Variants in FSD1L observed in about 807,000 individuals in gnomAD.
FSD1L encodes the protein fibronectin type III and SPRY domain containing 1 like.
Under a neutral mutation model 71.6 loss-of-function variants are expected in FSD1L, and 45 were observed. The ratio of observed to expected loss-of-function variants is 0.63; its 90% CI spans 0.49 to 0.81. FSD1L has a LOEUF of 0.81. Among genes scored for constraint, FSD1L ranks in the 30% least tolerant of loss-of-function variants. FSD1L has a pLI of 0.00. For missense variants in FSD1L, 561 were observed against 618.1 expected (o/e 0.91, Z 0.98); for synonymous variants, 197 against 207.2 (o/e 0.95, Z 0.42).
At chr9:105,478,910 G>A (rs1661789940) in intron 5 of FSD1L, among the ~76,000 whole-genome samples, 1 of 152,138 alleles carries the variant, frequency 6.6e-6, no homozygotes, top group Non-Finnish European at 1.5e-5. Context: ...TTGGAACAAC[G>A]ATTATGAAGT....
At chr9:105,515,275 T>C (rs367589223) in intron 10 of FSD1L, among the ~76,000 whole-genome samples, 13 of 152,188 alleles carry the variant, frequency 8.5e-5, no homozygotes, top group African/African-American at 2.9e-4. Context: ...TCCAGGAGAA[T>C]TTCCCAAGGA....
In FSD1L at chr9:105,548,622, T is replaced by TGAA. The variant is rs1383830801; in HGVS notation, c.*2139_*2140insGAA. ...TGGAGGAGTATACATGATTCTTGTG[T>TGAA]TCATGTTGTCATTTGAAACTCTTCA... On this transcript the variant is annotated 3_prime_UTR_variant, in exon 14 of 14. Coordinates refer to ENST00000481272, the MANE Select transcript of FSD1L (RefSeq NM_001145313.3). The TGAA allele has an allele frequency of 6.6e-6, 1 of 152,292 alleles. No individual in the cohort carries two copies. Among genetic ancestry groups the TGAA allele is most frequent in the Non-Finnish European group, 1.5e-5 (1 of 67,948 alleles). The allele number at this position is 152,292 out of a possible 1,614,324, so 9.4% of individuals were successfully genotyped here. A position where few individuals can be genotyped will look rare whatever the true frequency, so the allele number is the denominator to read the frequency against.
In FSD1L at chr9:105,513,345, A is replaced by G. The variant is rs555547296; in HGVS notation, c.1025+409A>G. 5.3e-5 allele frequency among the ~76,000 whole-genome samples: 8 copies of G among 152,294 alleles called. No individual in the cohort carries two copies. In the South Asian group the frequency reaches 1.5e-3, roughly 28 times the overall value. On this transcript the variant is annotated intron_variant, in intron 10 of 13. Coordinates refer to ENST00000481272, the MANE Select transcript of FSD1L (RefSeq NM_001145313.3). Reference sequence around the variant, plus strand: ...GGTCTTGCCTCTGATCAGCAACACAATGAACCTAAGAGGCAGGTTCAAGGA... The same window carrying G: ...GGTCTTGCCTCTGATCAGCAACACAGTGAACCTAAGAGGCAGGTTCAAGGA...
intron 1 of FSD1L, among the ~76,000 whole-genome samples, chr9:105,459,660 A>G (rs117122706): frequency 6.6e-6 from 1 of 152,236 alleles, no homozygotes; most frequent in African/African-American, 2.4e-5. Context: ...TAACAAGGTC[A>G]CATTGGTTGC....
At chr9:105,493,257 G>T (rs1216073904) in intron 7 of FSD1L, among the ~76,000 whole-genome samples, 2 of 151,980 alleles carry the variant, frequency 1.3e-5, no homozygotes, top group African/African-American at 4.8e-5. Flanking sequence ...TTATGTAATG[G>T]CCTTCTTTGT....
intron 7 of FSD1L, among the ~76,000 whole-genome samples, chr9:105,492,623 T>A (rs193068318): frequency 2.6e-5 from 4 of 152,328 alleles, no homozygotes; most frequent in African/African-American, 9.6e-5. Context: ...TTCTGCTTTC[T>A]CTTGTGGGCA....
In FSD1L at chr9:105,547,727, T is replaced by TTA. The variant is rs1411064625; in HGVS notation, c.*1247_*1248dup. The TTA allele has an allele frequency of 9.9e-5, 15 of 152,134 alleles. No individual in the cohort carries two copies. The highest frequency in any genetic ancestry group is 1.6e-4 in the Non-Finnish European group (11 of 67,976). 9.4% of individuals were successfully genotyped at this position (152,134 alleles called of 1,614,324 possible). A position where few individuals can be genotyped will look rare whatever the true frequency, so the allele number is the denominator to read the frequency against. On this transcript the variant is annotated 3_prime_UTR_variant, in exon 14 of 14. Coordinates refer to ENST00000481272, the MANE Select transcript of FSD1L (RefSeq NM_001145313.3). ...AACATAACTGTTCTTAAAAAGTCAA[T>TTA]TATAATTTGTAACTCACATCCTTTG...
intron 10 of FSD1L, among the ~76,000 whole-genome samples, chr9:105,527,618 A>G (rs182886179): frequency 6.6e-6 from 1 of 151,950 alleles, no homozygotes; most frequent in Admixed American, 6.5e-5. Context: ...AATATAAATT[A>G]TGTATCATTC....
intron 7 of FSD1L, among the ~76,000 whole-genome samples, chr9:105,485,818 T>A (rs1376105298): frequency 6.6e-6 from 1 of 151,998 alleles, no homozygotes; most frequent in Non-Finnish European, 1.5e-5. Flanking sequence ...TAATTTTCTG[T>A]ATTTTTAGTA....
At chr9:105,511,678 TA>T (rs1283849312) in intron 9 of FSD1L, among the ~76,000 whole-genome samples, 1 of 152,086 alleles carries the variant, frequency 6.6e-6, no homozygotes, top group Non-Finnish European at 1.5e-5. Flanking sequence ...GTTTCATAAA[TA>T]AAAAACAATG....
chr9:105,470,199 A>G (rs1422131450), intron 4 of FSD1L, among the ~76,000 whole-genome samples: 17 of 152,142 alleles, frequency 1.1e-4, no homozygotes, highest in Admixed American at 1.1e-3. Flanking sequence ...ATGTTGAGGC[A>G]TTCGACTTTT....
At chr9:105,507,325 T>C (rs1166873265) in intron 8 of FSD1L, among the ~76,000 whole-genome samples, 2 of 152,224 alleles carry the variant, frequency 1.3e-5, no homozygotes, top group Non-Finnish European at 2.9e-5. Context: ...ATATTTGAAA[T>C]GGCAAAATAT....
chr9:105,548,495 C>A lies in FSD1L; in HGVS notation c.*2012C>A, dbSNP rs892370659. On this transcript the variant is annotated 3_prime_UTR_variant, in exon 14 of 14. Transcript: ENST00000481272. ...CCTCTAAGCATACTCTTGGTCCATG[C>A]CCCATGCAGTGTCAACTGATGTTTA... 20 of 152,488 alleles carry A rather than the reference C, an allele frequency of 1.3e-4. No individual in the cohort carries two copies. Among genetic ancestry groups the A allele is most frequent in the Non-Finnish European group, 2.8e-4 (19 of 67,976 alleles). The allele number at this position is 152,488 out of a possible 1,614,324, so 9.4% of individuals were successfully genotyped here.
chr9:105,486,454 G>A (rs1453534530), intron 7 of FSD1L, among the ~76,000 whole-genome samples: 2 of 152,142 alleles, frequency 1.3e-5, no homozygotes, highest in Admixed American at 6.5e-5. Flanking sequence ...TTACTTTTAA[G>A]TAGAACACTT....
chr9:105,516,400 C>A (rs972544937), intron 10 of FSD1L, among the ~76,000 whole-genome samples: 1 of 152,184 alleles, frequency 6.6e-6, no homozygotes, highest in Non-Finnish European at 1.5e-5. Context: ...GACTAGGAGA[C>A]ACCTCCCAGT....
chr9:105,448,087 C>CGGGTGGGGCCGGGCGGTGCCGGTGCG lies in FSD1L; in HGVS notation c.-131_-106dup, dbSNP rs1829730943. ...ACGGCGCGCGCGGTCTGGGCGCGGA[C>CGGGTGGGGCCGGGCGGTGCCGGTGCG]GGGTGGGGCCGGGCGGTGCCGGTGC... On this transcript the variant is annotated 5_prime_UTR_variant, in exon 1 of 14. Transcript: ENST00000481272. The CGGGTGGGGCCGGGCGGTGCCGGTGCG allele has an allele frequency of 2.0e-6, 2 of 1,014,686 alleles. No homozygotes were observed. Among genetic ancestry groups the CGGGTGGGGCCGGGCGGTGCCGGTGCG allele is most frequent in the African/African-American group, 1.7e-5 (1 of 59,040 alleles). 62.9% of individuals were successfully genotyped at this position (1,014,686 alleles called of 1,614,324 possible).
At chr9:105,498,832 C>G (rs1004934328) in intron 7 of FSD1L, among the ~76,000 whole-genome samples, 10 of 152,194 alleles carry the variant, frequency 6.6e-5, no homozygotes, top group African/African-American at 2.2e-4. Flanking sequence ...CCATGTTGGC[C>G]AAGCTGGTCT....
At chr9:105,478,989 T>C (rs1831996420) in intron 5 of FSD1L, among the ~76,000 whole-genome samples, 1 of 152,148 alleles carries the variant, frequency 6.6e-6, no homozygotes, top group Admixed American at 6.5e-5. Flanking sequence ...ATGAAGGAAG[T>C]TGTCCCATGA....
chr9:105,508,448 A>G (rs1023350702), intron 8 of FSD1L, among the ~76,000 whole-genome samples, 169 bp from the exon 9 acceptor site: 1 of 152,070 alleles, frequency 6.6e-6, no homozygotes, highest in African/African-American at 2.4e-5. Context: ...AAGTGCTGGG[A>G]TTACAGGTGT....
Sources: gnomAD v4.1 joint callset for allele counts (sites outside exome capture counted in the v4.1 genomes callset) on GRCh38, gnomAD v4.1.1 for gene constraint, MANE v1.5 for transcripts, NCBI Gene and HGNC (gene_info 2026-07-23, HGNC 2026-07-21) for gene names.